JAKMIP3: variants seen among roughly 807,000 people sequenced by gnomAD.
JAKMIP3 encodes the protein Janus kinase and microtubule interacting protein 3, also known as janus kinase and microtubule-interacting protein 3.
JAKMIP3 carries 58 observed loss-of-function variants against 118.5 expected under a neutral mutation model. That is an observed-to-expected ratio of 0.49 (90% CI 0.40 to 0.61). The LOEUF (loss-of-function observed/expected upper bound fraction) is 0.61, where lower values mean the gene tolerates loss of function less well. Among genes scored for constraint, JAKMIP3 ranks in the 20% least tolerant of loss-of-function variants. The pLI is 0.00. For missense variants in JAKMIP3, 950 were observed against 1,109.0 expected (o/e 0.86, Z 2.04); for synonymous variants, 486 against 451.2 (o/e 1.08, Z -0.98).
chr10:132,148,523 GT>G (rs1423453371), intron 14 of JAKMIP3, among the ~76,000 whole-genome samples: 3 of 120,824 alleles, frequency 2.5e-5, no homozygotes, highest in Non-Finnish European at 5.6e-5. Flanking sequence ...CCATCCGCCC[GT>G]CCTCCATCCG....
chr10:132,066,881 G>T (rs1447216321), intron 1 of JAKMIP3, among the ~76,000 whole-genome samples: 1 of 152,198 alleles, frequency 6.6e-6, no homozygotes, highest in Non-Finnish European at 1.5e-5. Flanking sequence ...AGATGTCAGT[G>T]AGACTGGCCG....
At chr10:132,182,320 C>T (rs1256077004) in intron 23 of JAKMIP3, 37 bp from the exon 24 acceptor site, 7 of 152,264 alleles carry the variant, frequency 4.6e-5, no homozygotes, top group East Asian at 1.9e-4. Flanking sequence ...TTCCCCAGGT[C>T]GTCGCACTAA....
At chr10:132,121,365 A>G (rs2048506560) in intron 3 of JAKMIP3, among the ~76,000 whole-genome samples, 1 of 152,184 alleles carries the variant, frequency 6.6e-6, no homozygotes, top group Admixed American at 6.5e-5. Flanking sequence ...AGCTACTATT[A>G]CAGCTGAAAA....
At chr10:132,091,531 CTTCT>C (rs1474949244) in intron 1 of JAKMIP3, among the ~76,000 whole-genome samples, 2 of 152,022 alleles carry the variant, frequency 1.3e-5, no homozygotes, top group Non-Finnish European at 2.9e-5. Context: ...ATGTAATGGT[CTTCT>C]TTGTCTCTTT....
intron 13 of JAKMIP3, among the ~76,000 whole-genome samples, chr10:132,146,610 C>T (rs1267079579): frequency 3.9e-5 from 6 of 152,184 alleles, no homozygotes; most frequent in Non-Finnish European, 7.4e-5. Context: ...GCAGGTGCGG[C>T]CCTCTGGGGA....
At chr10:132,154,112 C>T (rs1261943755) in intron 19 of JAKMIP3, 122 bp downstream of exon 19, 6 of 758,118 alleles carry the variant, frequency 7.9e-6, no homozygotes, top group Non-Finnish European at 1.3e-5. Flanking sequence ...CCCCTAATGG[C>T]CCCTAATGAC....
chr10:132,123,127 G>A (rs1486798271), intron 3 of JAKMIP3, among the ~76,000 whole-genome samples: 1 of 152,198 alleles, frequency 6.6e-6, no homozygotes, highest in Admixed American at 6.5e-5. Context: ...AGACGTGGAA[G>A]GGGCGAGGCA....
rs1254257415 is a variant in JAKMIP3, at chr10:132,149,969, C to T, written c.1948-13C>T. The T allele has an allele frequency of 3.9e-6, 6 of 1,539,096 alleles. No homozygotes were observed. In the South Asian group the frequency reaches 5.8e-5, roughly 15 times the overall value. On this transcript the variant is annotated splice_polypyrimidine_tract_variant and intron_variant, in intron 15 of 23. Coordinates refer to ENST00000684848, the MANE Select transcript of JAKMIP3 (RefSeq NM_001323087.2). ...CCGTGGCCACTCACCCCTACCTGTC[C>T]TCTGTGCCTTAGGACATTGTGGTTG...
intron 1 of JAKMIP3, among the ~76,000 whole-genome samples, chr10:132,067,852 G>A (rs1186305474): frequency 2.0e-5 from 3 of 147,676 alleles, no homozygotes; most frequent in East Asian, 2.0e-4. Context: ...TGTGGACTGT[G>A]GGCTTACGTG....
Position 132,167,045 on chromosome 10 carries a change from A to T in JAKMIP3, c.*12A>T. Reference sequence around the variant, plus strand: ...TTCTCTGGTCATAGTCCGTCTTGGCACCCTGACGTGGTGAGTATTTCGTTG... The same window carrying T: ...TTCTCTGGTCATAGTCCGTCTTGGCTCCCTGACGTGGTGAGTATTTCGTTG... On this transcript the variant is annotated 3_prime_UTR_variant, in exon 22 of 24. Coordinates refer to ENST00000684848, the MANE Select transcript of JAKMIP3 (RefSeq NM_001323087.2). The T allele has an allele frequency of 6.5e-7, 1 of 1,547,976 alleles. No individual in the cohort carries two copies. The highest frequency in any genetic ancestry group is 8.7e-7 in the Non-Finnish European group (1 of 1,144,178).
At chr10:132,072,929 C>A (rs1589749934) in intron 1 of JAKMIP3, among the ~76,000 whole-genome samples, 1 of 152,132 alleles carries the variant, frequency 6.6e-6, no homozygotes, top group East Asian at 1.9e-4. Flanking sequence ...CTTTTATAGT[C>A]TCCAGTATCT....
chr10:132,047,193 T>C (rs1207357195), intron 1 of JAKMIP3, among the ~76,000 whole-genome samples: 1 of 152,118 alleles, frequency 6.6e-6, no homozygotes, highest in African/African-American at 2.4e-5. Context: ...TTTTTTAAGG[T>C]AAAAAGGCGG....
chr10:132,175,177 GC>G (rs1275628526), intron 23 of JAKMIP3, among the ~76,000 whole-genome samples: 5 of 152,164 alleles, frequency 3.3e-5, no homozygotes, highest in Non-Finnish European at 5.9e-5. Flanking sequence ...AGAAAACCTT[GC>G]CTAACTCAAA....
At chr10:132,167,824 C>G (rs903016638) in intron 22 of JAKMIP3, 129 bp from the exon 23 acceptor site, 47 of 468,884 alleles carry the variant, frequency 1.0e-4, no homozygotes, top group South Asian at 9.1e-4. Flanking sequence ...ACCCCTCGGC[C>G]CTCACCCCTC....
chr10:132,163,574 T>C (rs1590005275), intron 20 of JAKMIP3, among the ~76,000 whole-genome samples, 162 bp downstream of exon 20: 1 of 152,196 alleles, frequency 6.6e-6, no homozygotes, highest in South Asian at 2.1e-4. Context: ...GGCTACACCC[T>C]GATGGCCATG....
chr10:132,180,195 G>A (rs1354617056), intron 23 of JAKMIP3, among the ~76,000 whole-genome samples: 1 of 152,186 alleles, frequency 6.6e-6, no homozygotes, highest in Non-Finnish European at 1.5e-5. Context: ...GGCCACCGTT[G>A]CAAGCAGGCA....
At chr10:132,092,348 A>G (rs1042473093) in intron 1 of JAKMIP3, among the ~76,000 whole-genome samples, 1 of 152,198 alleles carries the variant, frequency 6.6e-6, no homozygotes, top group Non-Finnish European at 1.5e-5. Flanking sequence ...CCTGGATAAT[A>G]TCCTGCAGAG....
intron 1 of JAKMIP3, among the ~76,000 whole-genome samples, chr10:132,047,672 C>A (rs2037958462): frequency 1.8e-5 from 1 of 54,316 alleles, no homozygotes; most frequent in African/African-American, 6.4e-5. Flanking sequence ...CTGTGTGTCC[C>A]CACCCTCCCG....
intron 1 of JAKMIP3, 122 bp from the exon 2 acceptor site, chr10:132,104,550 A>C: frequency 6.1e-6 from 3 of 490,860 alleles, no homozygotes; most frequent in African/African-American, 3.8e-5. Flanking sequence ...TCGTCCAGGT[A>C]GCATCCTCAG....
Sources: allele counts gnomAD v4.1 joint callset (sites outside exome capture counted in the v4.1 genomes callset), GRCh38; gene constraint gnomAD v4.1.1; transcripts MANE v1.5; gene names NCBI Gene and HGNC (gene_info 2026-07-23, HGNC 2026-07-21).